Variants in ADD2 observed in about 807,000 individuals in gnomAD.
ADD2 encodes the protein adducin 2.
ADD2 carries 23 observed loss-of-function variants against 83.0 expected under a neutral mutation model. The observed-to-expected ratio is 0.28, with a 90% CI of 0.20 to 0.39. The LOEUF (loss-of-function observed/expected upper bound fraction) is 0.39. Among genes scored for constraint, ADD2 ranks in the 10% least tolerant of loss-of-function variants. The probability of loss-of-function intolerance (pLI) is 1.00; values close to 1 mark genes in which losing one functional copy is unlikely to be tolerated. For missense variants in ADD2, 758 were observed against 944.9 expected, an observed-to-expected ratio of 0.80 and a Z score of 2.59; for synonymous variants, 375 against 375.4, an observed-to-expected ratio of 1.00 and a Z score of 0.01.
intron 1 of ADD2, 92 bp downstream of exon 1, chr2:70,767,794 C>A (rs1574342713): frequency 6.7e-7 from 1 of 1,502,758 alleles, no homozygotes; most frequent in Non-Finnish European, 8.9e-7. Context: ...CTGGGCCAAG[C>A]GGCTCCCGCC....
intron 9 of ADD2, among the ~76,000 whole-genome samples, chr2:70,685,725 T>C (rs1386954318): frequency 6.6e-6 from 1 of 152,174 alleles, no homozygotes; most frequent in Non-Finnish European, 1.5e-5. Context: ...AATGAATGAA[T>C]TTTGAGAAGC....
chr2:70,692,489 T>A lies in ADD2; in HGVS notation c.619A>T (p.Thr207Ser), dbSNP rs782081566. 3.1e-6 allele frequency: 5 copies of A among 1,613,140 alleles called. No individual in the cohort carries two copies. The change falls in exon 7 of 16, where the codon ACA becomes TCA. Residue 207 changes from threonine to serine, a missense_variant. Coordinates refer to ENST00000264436, the MANE Select transcript of ADD2 (RefSeq NM_001617.4). ...ATGGCCGAGTGCAGACAGAAGCCTG[T>A]GGTGTCCACTGGGAAGCAGCTGCTG... ...KGSSCFPVDT[T>S]GFCLHSAIYA...
intron 1 of ADD2, among the ~76,000 whole-genome samples, chr2:70,745,594 G>A (rs1674150911): frequency 1.3e-5 from 2 of 152,146 alleles, no homozygotes; most frequent in African/African-American, 4.8e-5. Flanking sequence ...AAAGCAGGAG[G>A]GGCAGGAGAT....
intron 13 of ADD2, chr2:70,675,399 T>C: frequency 5.1e-6 from 5 of 985,626 alleles, no homozygotes; most frequent in Non-Finnish European, 6.0e-6. Flanking sequence ...GAGTCTCAGA[T>C]CTTCAACCTG....
At chr2:70,704,251 TCCTCCCTCTCTTCCCCACCCCAC>T in intron 4 of ADD2, 47 bp downstream of exon 4, 1 of 1,443,724 alleles carries the variant, frequency 6.9e-7, no homozygotes, top group Non-Finnish European at 9.5e-7. Flanking sequence ...TTCTTGCTGC[TCCTCCCTCTCTTCCCCACCCCAC>T]CCTCCCCTCC....
chr2:70,698,568 C>T (rs755083236), intron 4 of ADD2, among the ~76,000 whole-genome samples: 16 of 152,232 alleles, frequency 1.1e-4, no homozygotes, highest in Admixed American at 1.3e-4. Flanking sequence ...GAAGAAAAGA[C>T]GTGGAATGCT....
intron 1 of ADD2, among the ~76,000 whole-genome samples, chr2:70,722,172 G>A (rs868947358): frequency 2.0e-4 from 30 of 152,202 alleles, no homozygotes; most frequent in African/African-American, 6.8e-4. Context: ...TCTCAGAAGT[G>A]AAGGCTGAGA....
At chr2:70,712,738 G>GGC (rs1672260141) in intron 2 of ADD2, among the ~76,000 whole-genome samples, 1 of 152,144 alleles carries the variant, frequency 6.6e-6, no homozygotes, top group African/African-American at 2.4e-5. Flanking sequence ...ACTTCCTAAG[G>GGC]GCAAGAGCTG....
chr2:70,673,804 C>T (rs1362518145), intron 14 of ADD2, among the ~76,000 whole-genome samples: 1 of 152,120 alleles, frequency 6.6e-6, no homozygotes, highest in Non-Finnish European at 1.5e-5. Context: ...ACCATGTTGG[C>T]CAGACTGGTC....
rs550349813 is a variant in ADD2, at chr2:70,662,413, A to T, written c.*1012T>A. ...GGGTGCAAGTCAAGGTGCCAAGAGT[A>T]AGATGCCAGTTTCGGTCTGTAAGCA... On this transcript the variant is annotated 3_prime_UTR_variant, in exon 16 of 16. Transcript: ENST00000264436. 4.4e-4 allele frequency: 67 copies of T among 152,406 alleles called. No homozygotes were observed. The highest frequency in any genetic ancestry group is 1.5e-3 in the African/African-American group (62 of 41,566). 9.4% of individuals were successfully genotyped at this position (152,406 alleles called of 1,614,324 possible).
rs1329333419 is a variant in ADD2 at position 70,657,779 on chromosome 2, A to C, written c.*5646T>G. ...CCCCCAAACTCTTACGTTTTCTTTAAACTACCTAGAGATAAGCAATTTGCC... is the reference window on the plus strand; with the variant it reads ...CCCCCAAACTCTTACGTTTTCTTTACACTACCTAGAGATAAGCAATTTGCC... On this transcript the variant is annotated 3_prime_UTR_variant, in exon 16 of 16. Coordinates refer to ENST00000264436, the MANE Select transcript of ADD2 (RefSeq NM_001617.4). 1.3e-5 allele frequency: 2 copies of C among 152,202 alleles called. No homozygotes were observed. Among genetic ancestry groups the C allele is most frequent in the East Asian group, 3.8e-4 (2 of 5,204 alleles). 9.4% of individuals were successfully genotyped at this position (152,202 alleles called of 1,614,324 possible).
At chr2:70,761,944 C>T (rs1432385805) in intron 1 of ADD2, among the ~76,000 whole-genome samples, 2 of 151,666 alleles carry the variant, frequency 1.3e-5, no homozygotes, top group African/African-American at 4.9e-5. Flanking sequence ...GCTGGGATTA[C>T]AGGCGTGAGC....
intron 12 of ADD2, among the ~76,000 whole-genome samples, chr2:70,677,151 C>G (rs988508525): frequency 2.0e-5 from 3 of 152,030 alleles, no homozygotes; most frequent in Admixed American, 2.0e-4. Flanking sequence ...ATAGTTGATC[C>G]TAAGAAGCCC....
intron 1 of ADD2, among the ~76,000 whole-genome samples, chr2:70,756,217 GT>G (rs1674781136): frequency 6.6e-6 from 1 of 152,140 alleles, no homozygotes; most frequent in Non-Finnish European, 1.5e-5. Context: ...ACTCAGTTGA[GT>G]TAACTCTTTA....
intron 15 of ADD2, among the ~76,000 whole-genome samples, chr2:70,667,653 C>T (rs1553366370): frequency 6.6e-6 from 1 of 152,158 alleles, no homozygotes; most frequent in Admixed American, 6.5e-5. Context: ...TGGAATTTCG[C>T]TCTTGTCACC....
chr2:70,763,532 A>C (rs1675225760), intron 1 of ADD2, among the ~76,000 whole-genome samples: 1 of 152,000 alleles, frequency 6.6e-6, no homozygotes, highest in Non-Finnish European at 1.5e-5. Context: ...ACTTTTATTA[A>C]AATGTAACTT....
intron 15 of ADD2, among the ~76,000 whole-genome samples, chr2:70,669,943 G>A (rs1457921670): frequency 6.6e-6 from 1 of 152,134 alleles, no homozygotes; most frequent in Non-Finnish European, 1.5e-5. Flanking sequence ...AGCTGCCCCT[G>A]CTAAGGTACC....
chr2:70,740,642 G>A (rs1227653816), intron 1 of ADD2, among the ~76,000 whole-genome samples: 1 of 151,840 alleles, frequency 6.6e-6, no homozygotes, highest in Non-Finnish European at 1.5e-5. Context: ...TTTTTTGTTT[G>A]TTTGTTTGCT....
At chr2:70,743,466 C>A (rs1336834700) in intron 1 of ADD2, among the ~76,000 whole-genome samples, 1 of 152,222 alleles carries the variant, frequency 6.6e-6, no homozygotes, top group Non-Finnish European at 1.5e-5. Context: ...TCTCTCCAGG[C>A]TGCTTTGTAT....
Sources: gnomAD v4.1 joint callset for allele counts (sites outside exome capture counted in the v4.1 genomes callset) on GRCh38, gnomAD v4.1.1 for gene constraint, MANE v1.5 for transcripts, NCBI Gene and HGNC (gene_info 2026-07-23, HGNC 2026-07-21) for gene names.